Variants in GEMIN8 observed in about 807,000 individuals in gnomAD.
The protein encoded by GEMIN8 is gem nuclear organelle associated protein 8.
For missense variants in GEMIN8, 185 were observed against 205.9 expected, an observed-to-expected ratio of 0.90 and a Z score of 0.62; for synonymous variants, 80 against 78.5, an observed-to-expected ratio of 1.02 and a Z score of -0.10.
chrX:14,020,213 C>T lies in GEMIN8; in HGVS notation c.337G>A (p.Asp113Asn). ...TCTTCCTCTTTGGACAAAGCTTGGT[C>T]TTCTTTTGTGGATGCCTGGATCCTA... ...SSRIQASTKE[D>N]QALSKEEEME... Residue 113 changes from aspartate to asparagine, a missense_variant, in exon 4 of 5, where the codon GAC becomes AAC. Asp to Asn is a conservative substitution (Grantham distance 23). Transcript: ENST00000680255. 1 of 1,210,342 alleles carries T rather than the reference C, an allele frequency of 8.3e-7. No homozygotes were observed. Among genetic ancestry groups the T allele is most frequent in the Non-Finnish European group, 1.1e-6 (1 of 894,205 alleles).
chrX:14,021,666 G>C (rs900212245), intron 2 of GEMIN8, among the ~76,000 whole-genome samples, 155 bp from the exon 3 acceptor site: 18 of 106,393 alleles, frequency 1.7e-4, no homozygotes, highest in Non-Finnish European at 3.5e-4. Context: ...TTGGTTCCTG[G>C]GCTATAACTT....
Position 14,007,818 on chromosome X carries a change from C to A in GEMIN8, c.*1095G>T, listed in dbSNP as rs147084838. On this transcript the variant is annotated 3_prime_UTR_variant, in exon 5 of 5. Transcript: ENST00000680255. ...CTGGGATTACAGGCATGAGCCACCG[C>A]GCCGGGCCGGAATTATTGTTCTTTG... is the stretch of plus-strand genomic sequence containing the variant. 9.1e-6 allele frequency among the ~76,000 whole-genome samples: 1 copy of A among 110,398 alleles called. No individual in the cohort carries two copies. Among genetic ancestry groups the A allele is most frequent in the Non-Finnish European group, 1.9e-5 (1 of 52,836 alleles).
intron 4 of GEMIN8, among the ~76,000 whole-genome samples, chrX:14,019,557 T>C (rs1020570454): frequency 1.3e-4 from 14 of 111,700 alleles, no homozygotes; most frequent in African/African-American, 4.2e-4. Context: ...CCCAGAGGAA[T>C]GGCAAAAGTA....
chrX:14,024,904 T>C (rs1372759997), intron 2 of GEMIN8, among the ~76,000 whole-genome samples: 1 of 112,040 alleles, frequency 8.9e-6, no homozygotes, highest in East Asian at 2.8e-4. Flanking sequence ...TTTTGACCAC[T>C]GGGACATTTA....
chrX:13,984,578 G>GA, the GEMIN8 span, among the ~76,000 whole-genome samples: 2 of 111,480 alleles, frequency 1.8e-5, no homozygotes, highest in Non-Finnish European at 3.8e-5. Context: ...GCTCTTTCTA[G>GA]AAAAAATCTG....
intron 2 of GEMIN8, among the ~76,000 whole-genome samples, chrX:14,023,976 A>C (rs959790609): frequency 6.2e-4 from 70 of 112,540 alleles, no homozygotes; most frequent in Admixed American, 1.0e-3. Context: ...CACCATTGAG[A>C]TCAAACACTA....
chrX:14,004,772 A>G (rs1923084667), downstream of GEMIN8, among the ~76,000 whole-genome samples: 1 of 111,562 alleles, frequency 9.0e-6, no homozygotes, highest in African/African-American at 3.3e-5. Flanking sequence ...CATATTGGCC[A>G]GGCTGGTCTC....
chrX:14,016,476 A>T (rs1342304773), intron 4 of GEMIN8, among the ~76,000 whole-genome samples: 2 of 111,347 alleles, frequency 1.8e-5, no homozygotes, highest in African/African-American at 6.5e-5. Flanking sequence ...ATTCTAAATC[A>T]GTTTAAAAGT....
At chrX:14,017,227 G>A (rs1923997001) in intron 4 of GEMIN8, among the ~76,000 whole-genome samples, 1 of 110,929 alleles carries the variant, frequency 9.0e-6, no homozygotes, top group Non-Finnish European at 1.9e-5. Context: ...GAGTGAGGCT[G>A]GACCTCTGTG....
chrX:14,019,384 C>T (rs778950815), intron 4 of GEMIN8, among the ~76,000 whole-genome samples: 18 of 112,120 alleles, frequency 1.6e-4, no homozygotes, highest in Non-Finnish European at 2.8e-4. Flanking sequence ...CTGTTTTTGA[C>T]TGAAGATATA....
At chrX:13,998,151 C>T in the GEMIN8 span, among the ~76,000 whole-genome samples, 1 of 105,589 alleles carries the variant, frequency 9.5e-6, no homozygotes, top group Non-Finnish European at 1.9e-5. Flanking sequence ...TCACGGCTCT[C>T]TGCAGCTTGA....
chrX:14,025,616 C>T (rs765916683), intron 2 of GEMIN8, among the ~76,000 whole-genome samples: 5 of 111,668 alleles, frequency 4.5e-5, no homozygotes, highest in Admixed American at 3.8e-4. Flanking sequence ...CTGACTATGA[C>T]CAATAGCAAT....
chrX:14,003,039 C>G (rs900469530), downstream of GEMIN8, among the ~76,000 whole-genome samples: 2 of 112,182 alleles, frequency 1.8e-5, no homozygotes, highest in Non-Finnish European at 3.8e-5. Flanking sequence ...CCCAAGTCAC[C>G]AAGCCATGGG....
chrX:14,021,041 G>A (rs1055164269), intron 3 of GEMIN8, among the ~76,000 whole-genome samples: 9 of 111,130 alleles, frequency 8.1e-5, no homozygotes, highest in Non-Finnish European at 1.3e-4. Flanking sequence ...GTCTAGGAAT[G>A]CACCCAATAG....
chrX:14,002,261 G>T (rs180904890), downstream of GEMIN8, among the ~76,000 whole-genome samples: 1 of 108,814 alleles, frequency 9.2e-6, no homozygotes, highest in African/African-American at 3.3e-5. Flanking sequence ...ATAGAGTCTT[G>T]ATTAGATTTC....
At chrX:14,010,389 A>G (rs1182799569) in intron 4 of GEMIN8, among the ~76,000 whole-genome samples, 1 of 112,149 alleles carries the variant, frequency 8.9e-6, no homozygotes, top group Non-Finnish European at 1.9e-5. Context: ...AGAAATTGAC[A>G]GCAGGGAACA....
chrX:14,000,866 G>GC, the GEMIN8 span, among the ~76,000 whole-genome samples: 1 of 111,082 alleles, frequency 9.0e-6, no homozygotes, highest in South Asian at 3.8e-4. Flanking sequence ...TGGCTTCTGT[G>GC]CCCCTTTGAC....
intron 4 of GEMIN8, among the ~76,000 whole-genome samples, chrX:14,016,866 A>AATATATATAT (rs61127994): frequency 4.4e-4 from 25 of 57,164 alleles, no homozygotes; most frequent in East Asian, 5.2e-4. Context: ...AAAAAAAAAA[A>AATATATATAT]ATATATATAT....
At chrX:14,019,120 A>G (rs1159573436) in intron 4 of GEMIN8, among the ~76,000 whole-genome samples, 1 of 112,056 alleles carries the variant, frequency 8.9e-6, no homozygotes, top group Non-Finnish European at 1.9e-5. Flanking sequence ...AATGCTGACA[A>G]TGACAGACAG....
Sources: gnomAD v4.1 joint callset for allele counts (sites outside exome capture counted in the v4.1 genomes callset) on GRCh38, gnomAD v4.1.1 for gene constraint, MANE v1.5 for transcripts, NCBI Gene and HGNC (gene_info 2026-07-23, HGNC 2026-07-21) for gene names.